PAM: variants seen among roughly 807,000 people sequenced by gnomAD.
The protein encoded by PAM is peptidyl-glycine alpha-amidating monooxygenase.
Under a neutral mutation model 122.1 loss-of-function variants are expected in PAM, and 72 were observed. The observed-to-expected ratio is 0.59, with a 90% CI of 0.49 to 0.72. The LOEUF (loss-of-function observed/expected upper bound fraction) is 0.72, where lower values mean the gene tolerates loss of function less well. Ranked by LOEUF, PAM falls within the 30% of genes least tolerant of loss-of-function variation. The probability of loss-of-function intolerance (pLI) is 0.00; values close to 1 mark genes in which losing one functional copy is unlikely to be tolerated. For missense variants in PAM, 1,106 were observed against 1,183.7 expected (o/e 0.93, Z 0.96); for synonymous variants, 389 against 404.4 (o/e 0.96, Z 0.46).
intron 3 of PAM, among the ~76,000 whole-genome samples, chr5:102,899,259 A>G (rs551279607): frequency 3.3e-5 from 5 of 151,688 alleles, no homozygotes; most frequent in Non-Finnish European, 7.4e-5. Flanking sequence ...GTAAAAAATA[A>G]TAATTATAGT....
At chr5:102,859,307 T>A (rs1783458996) in intron 1 of PAM, among the ~76,000 whole-genome samples, 1 of 151,426 alleles carries the variant, frequency 6.6e-6, no homozygotes, top group African/African-American at 2.4e-5. Flanking sequence ...CTGATATTGA[T>A]CATGCTGATC....
intron 5 of PAM, among the ~76,000 whole-genome samples, chr5:102,915,191 T>C (rs970479318): frequency 6.6e-6 from 1 of 152,120 alleles, no homozygotes; most frequent in African/African-American, 2.4e-5. Flanking sequence ...GGAATCTGTT[T>C]TGAGGTCCTG....
At chr5:102,916,796 G>A (rs182443821) in intron 5 of PAM, among the ~76,000 whole-genome samples, 11 of 149,458 alleles carry the variant, frequency 7.4e-5, no homozygotes, top group East Asian at 3.9e-4. Context: ...GCAGTGGTGC[G>A]ATCTCAGCTC....
intron 23 of PAM, among the ~76,000 whole-genome samples, chr5:103,021,384 T>C (rs1783502029): frequency 6.6e-6 from 1 of 152,238 alleles, no homozygotes. Flanking sequence ...AACTCATTTC[T>C]GTTTAAATAG....
chr5:102,832,364 T>G (rs557214152), intron 1 of PAM, among the ~76,000 whole-genome samples: 1 of 152,194 alleles, frequency 6.6e-6, no homozygotes, highest in South Asian at 2.1e-4. Context: ...CCATTTTCTT[T>G]GATTCCTATG....
In PAM at chr5:102,961,037, T is replaced by C. The variant is rs577561061; in HGVS notation, c.1091-121T>C. 6 of 482,164 alleles carry C rather than the reference T, an allele frequency of 1.2e-5. No homozygotes were observed. In the Admixed American group the frequency reaches 1.7e-4, roughly 13 times the overall value. 29.9% of individuals were successfully genotyped at this position (482,164 alleles called of 1,614,324 possible). On this transcript the variant is annotated intron_variant, in intron 13 of 25. Transcript: ENST00000438793. ...GCATTTCTGTCTTATAAATTCTTAATACGGTAATAAGCACAAGACCCTGAA... is the reference window on the plus strand; with the variant it reads ...GCATTTCTGTCTTATAAATTCTTAACACGGTAATAAGCACAAGACCCTGAA...
intron 7 of PAM, among the ~76,000 whole-genome samples, chr5:102,938,166 A>G (rs1281337820): frequency 6.6e-6 from 1 of 152,060 alleles, no homozygotes; most frequent in Non-Finnish European, 1.5e-5. Flanking sequence ...ATCCTTCAGT[A>G]TTTTTTTCTT....
In PAM at chr5:102,785,673, A is replaced by G. The variant is rs17154737; in HGVS notation, c.-374+30325A>G. 1.0e-2 allele frequency among the ~76,000 whole-genome samples: 1,519 copies of G among 152,322 alleles called. 27 individuals carry two copies. The highest frequency in any genetic ancestry group is 0.035 in the African/African-American group (1,449 of 41,554). ...TTTCTTTCTGAGTTAGTTAAGTGAC[A>G]TCATGAAACAAGGCAGAAATGTGTT... On this transcript the variant is annotated intron_variant, in intron 1 of 25. Transcript: ENST00000438793.
chr5:102,779,218 ATG>A (rs1441206558), intron 1 of PAM, among the ~76,000 whole-genome samples: 5 of 151,076 alleles, frequency 3.3e-5, no homozygotes, highest in Admixed American at 6.6e-5. Flanking sequence ...ATGCATATAT[ATG>A]TGTGTGTATA....
At chr5:102,928,344 T>C (rs575070851) in intron 7 of PAM, among the ~76,000 whole-genome samples, 190 of 152,362 alleles carry the variant, frequency 1.2e-3, no homozygotes, top group Non-Finnish European at 2.3e-3. Flanking sequence ...TTTTATAATT[T>C]ATGTTTAATC....
At chr5:103,002,516 C>G (rs1209403317) in intron 16 of PAM, among the ~76,000 whole-genome samples, 7 of 151,952 alleles carry the variant, frequency 4.6e-5, no homozygotes, top group Non-Finnish European at 7.4e-5. Flanking sequence ...TCTTTTATAT[C>G]TCTATAATAT....
Position 102,779,918 on chromosome 5 carries a change from T to TATATATATACAC in PAM, c.-374+24571_-374+24572insTATATATACACA, listed in dbSNP as rs147065045. Among the ~76,000 whole-genome samples the TATATATATACAC allele has an allele frequency of 2.4e-3, 233 of 95,606 alleles. 4 individuals carry two copies. Among genetic ancestry groups the TATATATATACAC allele is most frequent in the African/African-American group, 9.4e-3 (208 of 22,022 alleles). The allele number at this position is 95,606 out of a possible 152,430, so 62.7% of individuals were successfully genotyped here. ...ATATATATATATATATATATATATA[T>TATATATATACAC]ACACACATATATATATGTATATATC... On this transcript the variant is annotated intron_variant, in intron 1 of 25. Transcript: ENST00000438793.
chr5:102,934,012 C>A (rs559590499), intron 7 of PAM, among the ~76,000 whole-genome samples: 66 of 152,294 alleles, frequency 4.3e-4, no homozygotes, highest in Non-Finnish European at 8.1e-4. Flanking sequence ...ACCTGCTTTC[C>A]AGTGAGATAC....
chr5:102,902,402 C>G lies in PAM; in HGVS notation c.268+989C>G, dbSNP rs569588641. 8.6e-5 allele frequency among the ~76,000 whole-genome samples: 13 copies of G among 151,660 alleles called. No individual in the cohort carries two copies. In the East Asian group the frequency reaches 2.3e-3, roughly 27 times the overall value. ...AGCAAATACAACCTTTAATAACACT[C>G]TCAACAAAATTTGCTGCATAGTTAA... On this transcript the variant is annotated intron_variant, in intron 4 of 25. Coordinates refer to ENST00000438793, the MANE Select transcript of PAM (RefSeq NM_001177306.2).
In PAM at chr5:102,935,744, A is replaced by G. The variant is rs114756089; in HGVS notation, c.526+9076A>G. On this transcript the variant is annotated intron_variant, in intron 7 of 25. Transcript: ENST00000438793. ...ACAGACTCCTTATAATGTTTCATTTAAAAGATAAGAATTAACTGAAAGATC... is the reference window on the plus strand; with the variant it reads ...ACAGACTCCTTATAATGTTTCATTTGAAAGATAAGAATTAACTGAAAGATC... 5.1e-3 allele frequency among the ~76,000 whole-genome samples: 773 copies of G among 152,294 alleles called. 7 individuals carry two copies. Among genetic ancestry groups the G allele is most frequent in the African/African-American group, 0.018 (740 of 41,578 alleles).
At chr5:102,831,032 AT>A (rs1775291360) in intron 1 of PAM, among the ~76,000 whole-genome samples, 1 of 150,988 alleles carries the variant, frequency 6.6e-6, no homozygotes, top group South Asian at 2.1e-4. Context: ...TTTAATCTCT[AT>A]TTCAGCTTTG....
intron 3 of PAM, among the ~76,000 whole-genome samples, chr5:102,870,979 T>C (rs868820512): frequency 1.4e-4 from 21 of 152,350 alleles, no homozygotes; most frequent in Middle Eastern, 3.4e-3. Context: ...TATGGTGATA[T>C]CAATTTGACA....
At chr5:102,871,899 A>G (rs1210959987) in intron 3 of PAM, among the ~76,000 whole-genome samples, 4 of 151,802 alleles carry the variant, frequency 2.6e-5, no homozygotes, top group Admixed American at 1.3e-4. Context: ...TATTTGCTCA[A>G]CTTAGGTCCT....
intron 7 of PAM, among the ~76,000 whole-genome samples, chr5:102,932,411 C>A (rs1290519924): frequency 6.6e-6 from 1 of 151,762 alleles, no homozygotes; most frequent in Non-Finnish European, 1.5e-5. Flanking sequence ...TCGTTTGAAC[C>A]CGGGAGGCAG....
Sources: allele counts gnomAD v4.1 joint callset (sites outside exome capture counted in the v4.1 genomes callset), GRCh38; gene constraint gnomAD v4.1.1; transcripts MANE v1.5; gene names NCBI Gene and HGNC (gene_info 2026-07-23, HGNC 2026-07-21).